TRIO: variants seen among roughly 807,000 people sequenced by gnomAD.
TRIO encodes trio Rho guanine nucleotide exchange factor, also known as triple functional domain protein.
A neutral mutation model predicts 351.9 loss-of-function variants in TRIO; 58 were observed. The ratio of observed to expected loss-of-function variants is 0.16; its 90% CI spans 0.13 to 0.21. The LOEUF (loss-of-function observed/expected upper bound fraction) is 0.21. Ranked by LOEUF, TRIO falls within the 10% of genes least tolerant of loss-of-function variation. The pLI, the probability that TRIO is intolerant of heterozygous loss-of-function variation, is 1.00. For synonymous variants in TRIO, 1,758 were observed against 1,595.7 expected (o/e 1.10, Z -2.42); for missense variants, 3,201 against 4,027.8 (o/e 0.79, Z 5.56).
intron 1 of TRIO, among the ~76,000 whole-genome samples, chr5:14,179,020 G>C (rs937930895): frequency 2.0e-5 from 3 of 152,156 alleles, no homozygotes; most frequent in Non-Finnish European, 4.4e-5. Context: ...GCTCAGAAGG[G>C]GGTCTTTGTA....
At chr5:14,310,018 G>A (rs946351800) in intron 8 of TRIO, among the ~76,000 whole-genome samples, 1 of 152,150 alleles carries the variant, frequency 6.6e-6, no homozygotes, top group Non-Finnish European at 1.5e-5. Context: ...AGACCTGCCC[G>A]TGTCACTCCT....
intron 1 of TRIO, among the ~76,000 whole-genome samples, chr5:14,253,624 T>C (rs1238701993): frequency 6.6e-6 from 1 of 152,206 alleles, no homozygotes; most frequent in Non-Finnish European, 1.5e-5. Context: ...ATTACGGGCA[T>C]GAACTCCCGC....
chr5:14,308,501 A>G (rs1738587655), intron 8 of TRIO, among the ~76,000 whole-genome samples: 1 of 150,692 alleles, frequency 6.6e-6, no homozygotes, highest in South Asian at 2.1e-4. Flanking sequence ...CCATCCGTCC[A>G]TCCATCCACC....
chr5:14,472,486 C>T lies in TRIO; in HGVS notation c.5913-106C>T. ...AACACCTAAATGTACAAATTTGATA[C>T]ATTACTATTCAGTCCTGGAAGGAGT... On this transcript the variant is annotated intron_variant, in intron 38 of 56. Coordinates refer to ENST00000344204, the MANE Select transcript of TRIO (RefSeq NM_007118.4). 3 of 1,141,576 alleles carry T rather than the reference C, an allele frequency of 2.6e-6. No homozygotes were observed. The South Asian group carries it at 4.4e-5, about 17-fold the overall frequency. The allele number at this position is 1,141,576 out of a possible 1,614,324, so 70.7% of individuals were successfully genotyped here. A position where few individuals can be genotyped will look rare whatever the true frequency, so the allele number is the denominator to read the frequency against.
At chr5:14,447,037 G>A (rs1208039421) in intron 34 of TRIO, among the ~76,000 whole-genome samples, 1 of 152,104 alleles carries the variant, frequency 6.6e-6, no homozygotes, top group Non-Finnish European at 1.5e-5. Flanking sequence ...TCAAGACCAG[G>A]CTGGCCAACA....
rs541471364 is a variant in TRIO at position 14,445,952 on chromosome 5, G to T, written c.5204-15067G>T. On this transcript the variant is annotated intron_variant, in intron 34 of 56. Transcript: ENST00000344204. ...ACTCTGAGCCCCAGCCCCACGCAGG[G>T]GCGGTCTGCTTATTTCCCACTGTCG... is the stretch of plus-strand genomic sequence containing the variant. Among the ~76,000 whole-genome samples, 47 of 152,356 alleles carry T rather than the reference G, an allele frequency of 3.1e-4. No homozygotes were observed. The Middle Eastern group carries it at 0.014, about 44-fold the overall frequency.
chr5:14,487,692 C>T lies in TRIO; in HGVS notation c.7064C>T (p.Ser2355Phe). ...VRHHPPVLVS[S>F]AASSQAEADK... Reference sequence around the variant, plus strand: ...CACCACCCCCCCGTGCTGGTCTCCTCTGCAGCCTCGAGCCAGGCAGAGGCA... The same window carrying T: ...CACCACCCCCCCGTGCTGGTCTCCTTTGCAGCCTCGAGCCAGGCAGAGGCA... The change falls in exon 48 of 57, where the codon TCT becomes TTT. Residue 2355 changes from serine (S) to phenylalanine (F), a missense_variant. Transcript: ENST00000344204. The T allele has an allele frequency of 7.0e-7, 1 of 1,438,456 alleles. No individual in the cohort carries two copies. Among genetic ancestry groups the T allele is most frequent in the South Asian group, 1.4e-5 (1 of 71,272 alleles). 89.1% of individuals were successfully genotyped at this position (1,438,456 alleles called of 1,614,324 possible). A position where few individuals can be genotyped will look rare whatever the true frequency, so the allele number is the denominator to read the frequency against.
At chr5:14,225,800 C>CCG (rs1554036846) in intron 1 of TRIO, among the ~76,000 whole-genome samples, 2 of 136,770 alleles carry the variant, frequency 1.5e-5, no homozygotes, top group South Asian at 2.5e-4. Context: ...CCACCCCCCC[C>CCG]CCCACCTCCA....
intron 1 of TRIO, 79 bp from the exon 2 acceptor site, chr5:14,270,746 T>C: frequency 9.4e-7 from 1 of 1,061,946 alleles, no homozygotes; most frequent in Non-Finnish European, 1.5e-6. Flanking sequence ...GCTGCTGTGT[T>C]GGCATTGGAT....
At chr5:14,312,771 C>T (rs572222479) in intron 8 of TRIO, among the ~76,000 whole-genome samples, 3 of 152,188 alleles carry the variant, frequency 2.0e-5, no homozygotes, top group African/African-American at 4.8e-5. Flanking sequence ...TTAGCACTTA[C>T]ATTTTATATG....
chr5:14,216,981 A>C (rs969506185), intron 1 of TRIO, among the ~76,000 whole-genome samples: 2 of 152,198 alleles, frequency 1.3e-5, no homozygotes, highest in Non-Finnish European at 2.9e-5. Context: ...AATCTCCTAC[A>C]GGGCAAGGAG....
At chr5:14,303,169 G>T (rs13436795) in intron 7 of TRIO, among the ~76,000 whole-genome samples, 233 of 131,770 alleles carry the variant, frequency 1.8e-3, no homozygotes, top group African/African-American at 6.1e-3. Flanking sequence ...GCCAGGGTTG[G>T]GATGGCTGCC....
intron 1 of TRIO, among the ~76,000 whole-genome samples, chr5:14,230,198 C>A (rs1561228158): frequency 6.6e-6 from 1 of 152,308 alleles, no homozygotes; most frequent in East Asian, 1.9e-4. Flanking sequence ...TAGAGATTTC[C>A]TCCACTTATG....
chr5:14,471,390 G>A lies in TRIO; in HGVS notation c.5836G>A (p.Asp1946Asn). ...DSSSPSFNPS[D>N]NSLLSSSSPI... Reference sequence around the variant, plus strand: ...TAGCAGCCCTTCCTTCAACCCTTCGGATAATTCCCTTCTCTCTTCCTCCTC... The same window carrying A: ...TAGCAGCCCTTCCTTCAACCCTTCGAATAATTCCCTTCTCTCTTCCTCCTC... Residue 1946 changes from aspartate to asparagine, a missense_variant, in exon 38 of 57, where the codon GAT (aspartate) becomes AAT (asparagine). Around this residue, in one of 19 missense-constraint regions of TRIO, gnomAD observed 307 missense variants for 396.5 expected, o/e 0.77. Transcript: ENST00000344204. The A allele has an allele frequency of 6.2e-7, 1 of 1,614,166 alleles. No individual in the cohort carries two copies. Among genetic ancestry groups the A allele is most frequent in the Non-Finnish European group, 8.5e-7 (1 of 1,180,030 alleles).
chr5:14,481,698 G>A, intron 45 of TRIO, 80 bp downstream of exon 45: 1 of 1,424,970 alleles, frequency 7.0e-7, no homozygotes. Flanking sequence ...TCTCCACATA[G>A]AGAAAGCTGA....
intron 1 of TRIO, among the ~76,000 whole-genome samples, chr5:14,196,834 C>T (rs989405673): frequency 6.6e-6 from 1 of 152,186 alleles, no homozygotes; most frequent in Non-Finnish European, 1.5e-5. Flanking sequence ...TTTTAAAGAT[C>T]CTTTAGCTTA....
At chr5:14,403,403 A>G (rs111162438) in intron 31 of TRIO, among the ~76,000 whole-genome samples, 224 of 15,658 alleles carry the variant, frequency 0.014, 2 homozygotes, top group African/African-American at 0.029. Flanking sequence ...GTAGGTTGTG[A>G]TGAGGGTGTA....
At chr5:14,171,981 T>C (rs1225704425) in intron 1 of TRIO, among the ~76,000 whole-genome samples, 2 of 152,236 alleles carry the variant, frequency 1.3e-5, no homozygotes, top group Admixed American at 6.5e-5. Context: ...ATTCCTCTTA[T>C]GTTTTGAAAA....
At chr5:14,185,797 C>A (rs1322168329) in intron 1 of TRIO, among the ~76,000 whole-genome samples, 1 of 152,132 alleles carries the variant, frequency 6.6e-6, no homozygotes, top group Non-Finnish European at 1.5e-5. Flanking sequence ...CTTGGTGACT[C>A]ACTGGAGCTT....
Sources: allele counts gnomAD v4.1 joint callset (sites outside exome capture counted in the v4.1 genomes callset), GRCh38; gene constraint gnomAD v4.1.1; regional missense constraint gnomAD v4.1.1; transcripts MANE v1.5; gene names NCBI Gene and HGNC (gene_info 2026-07-23, HGNC 2026-07-21).